The following AK5 variants were observed in gnomAD, a reference collection of about 807,000 sequenced individuals.
AK5 encodes adenylate kinase 5, also known as adenylate kinase isoenzyme 5.
AK5 carries 27 observed loss-of-function variants against 69.5 expected under a neutral mutation model. The observed-to-expected ratio is 0.39, with a 90% CI of 0.29 to 0.54. The LOEUF (loss-of-function observed/expected upper bound fraction) is 0.54, where lower values mean the gene tolerates loss of function less well. Ranked by LOEUF, AK5 falls within the 20% of genes least tolerant of loss-of-function variation. AK5 has a pLI of 0.71. For synonymous variants in AK5, 260 were observed against 244.4 expected, an observed-to-expected ratio of 1.06 and a Z score of -0.60; for missense variants, 531 against 700.4, an observed-to-expected ratio of 0.76 and a Z score of 2.73.
intron 10 of AK5, among the ~76,000 whole-genome samples, chr1:77,497,848 C>G (rs532889286): frequency 1.8e-3 from 274 of 152,298 alleles, no homozygotes; most frequent in Non-Finnish European, 2.8e-3. Flanking sequence ...TCCCAAAGCA[C>G]TGGGATTACA....
chr1:77,378,859 C>T (rs1458083838), intron 6 of AK5, among the ~76,000 whole-genome samples: 1 of 152,102 alleles, frequency 6.6e-6, no homozygotes, highest in Non-Finnish European at 1.5e-5. Context: ...GGCAGGACAG[C>T]AAACTGCCGT....
At chr1:77,353,660 C>A (rs928752114) in intron 6 of AK5, among the ~76,000 whole-genome samples, 1 of 152,176 alleles carries the variant, frequency 6.6e-6, no homozygotes, top group African/African-American at 2.4e-5. Context: ...TCCCAGTCTG[C>A]CCTGTTTCAC....
In AK5 at chr1:77,521,871, C is replaced by T. The variant is rs199723351; in HGVS notation, c.1356C>T (p.Leu452=). The T allele has an allele frequency of 2.4e-5, 38 of 1,613,814 alleles. No individual in the cohort carries two copies. In the African/African-American group the frequency reaches 2.5e-4, roughly 11 times the overall value. Residue 452 remains leucine, a synonymous_variant, in exon 12 of 14, where the codon CTC becomes CTT. Coordinates refer to ENST00000354567, the MANE Select transcript of AK5 (RefSeq NM_174858.3). ...ELLKEAMVAS[L]GDTRGFLIDG... ...TGAAGGAGGCCATGGTGGCCAGCCT[C>T]GGGGACACCAGGGGCTTCCTGATTG...
At chr1:77,300,933 C>T (rs1659307271) in intron 5 of AK5, among the ~76,000 whole-genome samples, 1 of 152,072 alleles carries the variant, frequency 6.6e-6, no homozygotes, top group Admixed American at 6.5e-5. Flanking sequence ...TTTGCGTTAA[C>T]TTAGTTTTTG....
intron 10 of AK5, among the ~76,000 whole-genome samples, chr1:77,495,590 T>G (rs1656266696): frequency 6.6e-6 from 1 of 152,232 alleles, no homozygotes; most frequent in Admixed American, 6.5e-5. Flanking sequence ...TTAGAATTTA[T>G]GCTATGTCTT....
At position 77,293,781 on chromosome 1, in the gene AK5, A is replaced by G. The variant is rs372088517; in HGVS notation, c.248-12A>G. ...GTTTTTTCCTTTTCAAAGTTATCTT[A>G]CTCTTTTGCAGTAATGCCTGAAAAC... is the stretch of plus-strand genomic sequence containing the variant. On this transcript the variant is annotated splice_polypyrimidine_tract_variant and intron_variant, in intron 2 of 13. Transcript: ENST00000354567. 1.3e-6 allele frequency: 2 copies of G among 1,581,246 alleles called. No individual in the cohort carries two copies. Among genetic ancestry groups the G allele is most frequent in the East Asian group, 4.6e-5 (2 of 43,846 alleles).
At chr1:77,354,750 T>G (rs1662402597) in intron 6 of AK5, among the ~76,000 whole-genome samples, 1 of 152,216 alleles carries the variant, frequency 6.6e-6, no homozygotes, top group South Asian at 2.1e-4. Context: ...ACAGGTTATT[T>G]GAAGGTGTCA....
At chr1:77,288,526 A>G (rs1384689657) in intron 2 of AK5, among the ~76,000 whole-genome samples, 1 of 152,098 alleles carries the variant, frequency 6.6e-6, no homozygotes, top group Non-Finnish European at 1.5e-5. Flanking sequence ...TTTTATTTGA[A>G]TGCAGTGTGG....
chr1:77,289,610 G>A (rs1359640627), intron 2 of AK5, among the ~76,000 whole-genome samples: 3 of 152,122 alleles, frequency 2.0e-5, no homozygotes, highest in Non-Finnish European at 4.4e-5. Context: ...AAATCTTGAT[G>A]CTTCTATTTG....
At chr1:77,410,519 A>G (rs1248582847) in intron 6 of AK5, among the ~76,000 whole-genome samples, 3 of 152,098 alleles carry the variant, frequency 2.0e-5, no homozygotes, top group African/African-American at 2.4e-5. Flanking sequence ...GCCTCAAGCA[A>G]CCTGCCCACC....
At position 77,295,347 on chromosome 1, in the gene AK5, G is replaced by A. The variant is rs190996636; in HGVS notation, c.415+1387G>A. ...GAATTTAAGCTCACCAGACTAGAAG[G>A]AATGACATTTGTACATTTTAAAGTG... On this transcript the variant is annotated intron_variant, in intron 3 of 13. Transcript: ENST00000354567. Among the ~76,000 whole-genome samples, 546 of 152,284 alleles carry A rather than the reference G, an allele frequency of 3.6e-3. 3 individuals are homozygous for A. The highest frequency in any genetic ancestry group is 5.7e-3 in the Non-Finnish European group (386 of 68,020).
intron 6 of AK5, among the ~76,000 whole-genome samples, chr1:77,405,247 C>G (rs984738861): frequency 2.0e-5 from 3 of 152,250 alleles, no homozygotes; most frequent in African/African-American, 7.2e-5. Context: ...ATTATCACCA[C>G]TATTGTATAG....
intron 6 of AK5, among the ~76,000 whole-genome samples, chr1:77,401,441 G>A (rs1045163944): frequency 6.6e-6 from 1 of 152,112 alleles, no homozygotes; most frequent in African/African-American, 2.4e-5. Flanking sequence ...ATTTCAAGAA[G>A]CTCATTTGGT....
chr1:77,360,828 T>C (rs1195886361), intron 6 of AK5, among the ~76,000 whole-genome samples: 1 of 152,176 alleles, frequency 6.6e-6, no homozygotes, highest in Non-Finnish European at 1.5e-5. Context: ...TCAACGAATA[T>C]GTGTTATTCT....
chr1:77,453,995 G>A (rs1174095980), intron 8 of AK5, among the ~76,000 whole-genome samples: 2 of 152,152 alleles, frequency 1.3e-5, no homozygotes, highest in Admixed American at 6.6e-5. Context: ...GGTCTGGAAA[G>A]ACTCACCTGG....
chr1:77,338,411 G>C (rs1331578729), intron 5 of AK5, among the ~76,000 whole-genome samples: 1 of 152,218 alleles, frequency 6.6e-6, no homozygotes, highest in Admixed American at 6.5e-5. Context: ...AAATAAATAA[G>C]TTGAGATTTT....
chr1:77,368,245 A>ATATATATATATATGTTATATATAT (rs376578923), intron 6 of AK5, among the ~76,000 whole-genome samples: 4,417 of 67,176 alleles, frequency 0.066, 835 homozygotes, highest in East Asian at 0.094. Flanking sequence ...ATATATATAT[A>ATATATATATATATGTTATATATAT]TATATATAAT....
chr1:77,529,742 A>G (rs901756459), intron 12 of AK5, among the ~76,000 whole-genome samples: 2 of 152,202 alleles, frequency 1.3e-5, no homozygotes, highest in Admixed American at 6.5e-5. Flanking sequence ...TATTAACAGA[A>G]GTCATATTAA....
intron 5 of AK5, among the ~76,000 whole-genome samples, chr1:77,313,632 G>T (rs946936352): frequency 6.6e-6 from 1 of 151,970 alleles, no homozygotes; most frequent in Non-Finnish European, 1.5e-5. Context: ...CTTATAAGGC[G>T]ATGGAGTCCA....
Sources: allele counts gnomAD v4.1 joint callset (sites outside exome capture counted in the v4.1 genomes callset), GRCh38; gene constraint gnomAD v4.1.1; transcripts MANE v1.5; gene names NCBI Gene and HGNC (gene_info 2026-07-23, HGNC 2026-07-21).